LDB3: variants seen among roughly 807,000 people sequenced by gnomAD.
LDB3 encodes LIM domain-binding protein 3.
A neutral mutation model predicts 69.0 loss-of-function variants in LDB3; 49 were observed. That is an observed-to-expected ratio of 0.71 (90% CI 0.56 to 0.90). The LOEUF is 0.90. LDB3 is among the 40% of genes least tolerant of loss of function. LDB3 has a pLI of 0.00. For missense variants in LDB3, 928 were observed against 974.1 expected, an observed-to-expected ratio of 0.95 and a Z score of 0.63; for synonymous variants, 387 against 396.2, an observed-to-expected ratio of 0.98 and a Z score of 0.28.
chr10:86,676,236 G>A (rs996155989), intron 2 of LDB3, among the ~76,000 whole-genome samples: 1 of 152,178 alleles, frequency 6.6e-6, no homozygotes, highest in Non-Finnish European at 1.5e-5. Context: ...CAGGGGAAGG[G>A]GCGCTGTGGG....
intron 3 of LDB3, among the ~76,000 whole-genome samples, chr10:86,679,806 C>T (rs930223551): frequency 2.6e-5 from 4 of 152,234 alleles, no homozygotes; most frequent in African/African-American, 9.6e-5. Context: ...TACCTACTTC[C>T]ACTTTGCCCA....
At chr10:86,675,290 G>A (rs1781542677) in intron 2 of LDB3, among the ~76,000 whole-genome samples, 1 of 152,262 alleles carries the variant, frequency 6.6e-6, no homozygotes, top group African/African-American at 2.4e-5. Flanking sequence ...CCATGCCTGT[G>A]GGAGAAAGAT....
chr10:86,722,786 C>T (rs1847127286), intron 12 of LDB3, among the ~76,000 whole-genome samples: 1 of 150,976 alleles, frequency 6.6e-6, no homozygotes, highest in Non-Finnish European at 1.5e-5. Flanking sequence ...CCAGGCTGGT[C>T]TTGAACTCCT....
rs903889464 is a variant in LDB3 at position 86,734,697 on chromosome 10, G to C, written c.*1721G>C. On this transcript the variant is annotated 3_prime_UTR_variant, in exon 14 of 14. Transcript: ENST00000361373. Reference sequence around the variant, plus strand: ...GGAAGCCCCTATTTTTTCCAAGCACGAAGCCACCAGTCTCCCCCAGGGAGC... The same window carrying C: ...GGAAGCCCCTATTTTTTCCAAGCACCAAGCCACCAGTCTCCCCCAGGGAGC... 1.1e-4 allele frequency: 17 copies of C among 152,204 alleles called. No individual in the cohort carries two copies. Among genetic ancestry groups the C allele is most frequent in the African/African-American group, 4.1e-4 (17 of 41,522 alleles). 9.4% of individuals were successfully genotyped at this position (152,204 alleles called of 1,614,324 possible). A position where few individuals can be genotyped will look rare whatever the true frequency, so the allele number is the denominator to read the frequency against.
At chr10:86,717,871 TG>T in intron 10 of LDB3, 92 bp from the exon 11 acceptor site, 3 of 1,180,106 alleles carry the variant, frequency 2.5e-6, no homozygotes, top group Non-Finnish European at 3.7e-6. Flanking sequence ...TCAGAGTTAT[TG>T]GGTAAAAGTA....
intron 5 of LDB3, among the ~76,000 whole-genome samples, chr10:86,689,472 C>G (rs1845657583): frequency 6.6e-6 from 1 of 152,204 alleles, no homozygotes; most frequent in South Asian, 2.1e-4. Context: ...GGGGTTTGTC[C>G]AAATAATGTC....
At chr10:86,680,020 A>G (rs1460404290) in intron 3 of LDB3, 62 bp from the exon 4 acceptor site, 2 of 1,433,676 alleles carry the variant, frequency 1.4e-6, no homozygotes, top group African/African-American at 2.8e-5. Context: ...AGCCCTGCCC[A>G]GGCAGGAGCT....
At chr10:86,726,100 A>T in intron 12 of LDB3, 37 bp from the exon 13 acceptor site, 2 of 1,492,358 alleles carry the variant, frequency 1.3e-6, no homozygotes, top group Non-Finnish European at 1.9e-6. Flanking sequence ...CGCTGCCCCC[A>T]CTGGGTGCGG....
intron 12 of LDB3, among the ~76,000 whole-genome samples, chr10:86,725,440 T>TA (rs2132502015): frequency 6.6e-6 from 1 of 152,380 alleles, no homozygotes; most frequent in African/African-American, 2.4e-5. Context: ...ATTCATTCCC[T>TA]ATATATGTTT....
At chr10:86,667,946 A>C (rs1589597566), upstream of LDB3, among the ~76,000 whole-genome samples, 1 of 151,848 alleles carries the variant, frequency 6.6e-6, no homozygotes, top group East Asian at 1.9e-4. Context: ...AAGTCATTTA[A>C]CCTCCCTGAG....
intron 7 of LDB3, among the ~76,000 whole-genome samples, chr10:86,697,158 A>G (rs1435724802): frequency 6.6e-6 from 1 of 151,150 alleles, no homozygotes; most frequent in Non-Finnish European, 1.5e-5. Flanking sequence ...GCACTGCCAC[A>G]TCTTCTTTTC....
At chr10:86,700,164 C>CTGGG (rs1589657468) in intron 7 of LDB3, 2 of 672,306 alleles carry the variant, frequency 3.0e-6, no homozygotes, top group African/African-American at 2.0e-5. Flanking sequence ...GGGCTGTGTC[C>CTGGG]ACCGGCCCCA....
At chr10:86,731,018 G>A (rs1847435844) in intron 13 of LDB3, among the ~76,000 whole-genome samples, 1 of 151,618 alleles carries the variant, frequency 6.6e-6, no homozygotes, top group Admixed American at 6.6e-5. Context: ...AGCTGAGTAT[G>A]GTGGTGGGCG....
At chr10:86,704,798 G>A (rs954293374) in intron 7 of LDB3, among the ~76,000 whole-genome samples, 2 of 151,482 alleles carry the variant, frequency 1.3e-5, no homozygotes, top group African/African-American at 4.9e-5. Context: ...TAGCCAGGAT[G>A]GTCTCGATCT....
intron 7 of LDB3, among the ~76,000 whole-genome samples, chr10:86,693,763 G>C (rs371398353): frequency 1.3e-5 from 2 of 152,232 alleles, no homozygotes; most frequent in Admixed American, 6.5e-5. Context: ...AGAGCTCTCA[G>C]CTCTCCCCTC....
chr10:86,699,386 G>C lies in LDB3; in HGVS notation c.896+6815G>C. 1 of 1,613,432 alleles carries C rather than the reference G, an allele frequency of 6.2e-7. No homozygotes were observed. Among genetic ancestry groups the C allele is most frequent in the Non-Finnish European group, 8.5e-7 (1 of 1,179,836 alleles). ...ATGTTAAAAGCTAAAAGGCTGCCTGGAATCCCCCCACCCCAACAGGCTGGA... is the reference window on the plus strand; with the variant it reads ...ATGTTAAAAGCTAAAAGGCTGCCTGCAATCCCCCCACCCCAACAGGCTGGA... On this transcript the variant is annotated intron_variant, in intron 7 of 13. Transcript: ENST00000361373. This position sits in a 1 kb window ranked among gnomAD's most constrained non-coding sequence, Gnocchi z 4.9.
At chr10:86,715,478 G>A (rs569365933) in intron 9 of LDB3, among the ~76,000 whole-genome samples, 15 of 152,304 alleles carry the variant, frequency 9.8e-5, no homozygotes, top group Admixed American at 2.0e-4. Flanking sequence ...AGCCCAAAAC[G>A]TTTTTCTGCT....
upstream of LDB3, among the ~76,000 whole-genome samples, chr10:86,667,261 C>T (rs1844219216): frequency 6.6e-6 from 1 of 152,098 alleles, no homozygotes; most frequent in Non-Finnish European, 1.5e-5. Context: ...TGAGAAATGA[C>T]TCACACCCAG....
At chr10:86,721,362 A>T (rs943415092) in intron 12 of LDB3, among the ~76,000 whole-genome samples, 1 of 152,242 alleles carries the variant, frequency 6.6e-6, no homozygotes, top group African/African-American at 2.4e-5. Context: ...TCAAATCTGC[A>T]GATTGAGCCA....
Sources: allele counts gnomAD v4.1 joint callset (sites outside exome capture counted in the v4.1 genomes callset), GRCh38; gene constraint gnomAD v4.1.1; non-coding constraint Gnocchi (gnomAD v3.1); transcripts MANE v1.5; gene names NCBI Gene and HGNC (gene_info 2026-07-23, HGNC 2026-07-21).